Variants in DNAJC3 observed in about 807,000 individuals in gnomAD.
DNAJC3 encodes the protein DnaJ heat shock protein family (Hsp40) member C3, also known as dnaJ homolog subfamily C member 3.
DNAJC3 carries 38 observed loss-of-function variants against 68.6 expected under a neutral mutation model. That is an observed-to-expected ratio of 0.55 (90% CI 0.43 to 0.73). DNAJC3 has a LOEUF of 0.73. DNAJC3 is among the 30% of genes least tolerant of loss of function. DNAJC3 has a pLI of 0.00. For synonymous variants in DNAJC3, 203 were observed against 204.0 expected (o/e 1.00, Z 0.04); for missense variants, 526 against 591.9 (o/e 0.89, Z 1.16).
chr13:95,770,839 TC>T lies in DNAJC3; in HGVS notation c.1075+6889del, dbSNP rs548910558. On this transcript the variant is annotated intron_variant, in intron 9 of 11. Transcript: ENST00000602402. ...TAAGTGTTCTTAGATATAAGATCTT[TC>T]CCTTTGTTGTCTTAAGGATGAATAT... is the stretch of plus-strand genomic sequence containing the variant. 1.9e-4 allele frequency among the ~76,000 whole-genome samples: 29 copies of T among 152,356 alleles called. No individual in the cohort carries two copies. The South Asian group carries it at 5.8e-3, about 30-fold the overall frequency.
intron 11 of DNAJC3, among the ~76,000 whole-genome samples, chr13:95,788,006 TTA>T (rs1883655352): frequency 6.6e-6 from 1 of 152,214 alleles, no homozygotes; most frequent in African/African-American, 2.4e-5. Context: ...GAGGAAAGTT[TTA>T]TGTTTGTCAA....
chr13:95,714,515 AT>A (rs1206182187), intron 2 of DNAJC3, among the ~76,000 whole-genome samples: 1 of 152,118 alleles, frequency 6.6e-6, no homozygotes, highest in Admixed American at 6.5e-5. Context: ...GTTTGCTATA[AT>A]AACAGGGGTT....
chr13:95,748,585 G>T (rs558137652), intron 4 of DNAJC3, among the ~76,000 whole-genome samples: 1 of 152,222 alleles, frequency 6.6e-6, no homozygotes, highest in Non-Finnish European at 1.5e-5. Flanking sequence ...GGAGGTCAAG[G>T]TGGGCAGATC....
intron 9 of DNAJC3, among the ~76,000 whole-genome samples, chr13:95,780,926 T>C (rs1321320177): frequency 6.6e-6 from 1 of 152,220 alleles, no homozygotes; most frequent in Non-Finnish European, 1.5e-5. Flanking sequence ...TGGAACTTGC[T>C]AATGAATTGG....
intron 2 of DNAJC3, among the ~76,000 whole-genome samples, chr13:95,720,425 C>T (rs536326129): frequency 6.6e-6 from 1 of 152,198 alleles, no homozygotes; most frequent in African/African-American, 2.4e-5. Context: ...GAAGAAACCC[C>T]ATCTCTCTGC....
Position 95,763,661 on chromosome 13 carries a change from C to A in DNAJC3, c.867C>A (p.Ser289Arg), listed in dbSNP as rs1185696255. The change falls in exon 8 of 12, where the codon AGC (serine) becomes AGA (arginine). Residue 289 changes from serine (S) to arginine (R), a missense_variant. By Grantham distance (110) the Ser-to-Arg change is moderately radical. Coordinates refer to ENST00000602402, the MANE Select transcript of DNAJC3 (RefSeq NM_006260.5). ...TTCTTAGATACACAGATGCTACCAGCAAATATGAATCTGTCATGAAAACAG... is the reference window on the plus strand; with the variant it reads ...TTCTTAGATACACAGATGCTACCAGAAAATATGAATCTGTCATGAAAACAG... ...IRDGRYTDAT[S>R]KYESVMKTEP... The A allele has an allele frequency of 6.2e-7, 1 of 1,613,720 alleles. No homozygotes were observed. Among genetic ancestry groups the A allele is most frequent in the Non-Finnish European group, 8.5e-7 (1 of 1,179,762 alleles).
intron 5 of DNAJC3, among the ~76,000 whole-genome samples, chr13:95,758,308 G>T (rs1455606003): frequency 2.6e-5 from 4 of 151,910 alleles, no homozygotes; most frequent in Admixed American, 6.6e-5. Context: ...CTGTACCCCA[G>T]CCTGGGCGAC....
At chr13:95,758,316 G>A (rs565922856) in intron 5 of DNAJC3, among the ~76,000 whole-genome samples, 12 of 151,946 alleles carry the variant, frequency 7.9e-5, no homozygotes, top group African/African-American at 2.2e-4. Flanking sequence ...CAGCCTGGGC[G>A]ACAGAATGGG....
At chr13:95,789,915 G>A (rs935656383) in intron 11 of DNAJC3, among the ~76,000 whole-genome samples, 8 of 151,894 alleles carry the variant, frequency 5.3e-5, no homozygotes, top group Admixed American at 2.6e-4. Flanking sequence ...ATTGTTGGCC[G>A]CATATATGTC....
intron 4 of DNAJC3, among the ~76,000 whole-genome samples, chr13:95,729,754 T>A (rs1247197554): frequency 2.0e-5 from 3 of 152,136 alleles, no homozygotes; most frequent in Non-Finnish European, 4.4e-5. Flanking sequence ...CCCTGATTAT[T>A]AGTGATGTTG....
intron 1 of DNAJC3, chr13:95,694,691 A>G (rs1378271751): frequency 5.2e-5 from 8 of 152,630 alleles, no homozygotes; most frequent in Non-Finnish European, 1.0e-4. Flanking sequence ...GTGCCTGCTT[A>G]ATTCTCCAGA....
Position 95,743,576 on chromosome 13 carries a change from G to A in DNAJC3, c.394-14068G>A, listed in dbSNP as rs191172898. ...CCTCCTGCTTATTGATTGATTGATT[G>A]AGACAGAGTCTTGCCCTCTCACCTA... is the stretch of plus-strand genomic sequence containing the variant. On this transcript the variant is annotated intron_variant, in intron 4 of 11. Coordinates refer to ENST00000602402, the MANE Select transcript of DNAJC3 (RefSeq NM_006260.5). Among the ~76,000 whole-genome samples the A allele has an allele frequency of 2.8e-3, 430 of 152,154 alleles. 1 individual carries two copies. Among genetic ancestry groups the A allele is most frequent in the Non-Finnish European group, 3.7e-3 (252 of 67,996 alleles).
intron 2 of DNAJC3, among the ~76,000 whole-genome samples, chr13:95,710,861 AT>A (rs919289487): frequency 4.7e-5 from 7 of 150,038 alleles, no homozygotes; most frequent in African/African-American, 7.3e-5. Context: ...TAATTTTTGT[AT>A]TTTTTTTTAA....
At chr13:95,788,754 A>G (rs1201924818) in intron 11 of DNAJC3, among the ~76,000 whole-genome samples, 1 of 152,150 alleles carries the variant, frequency 6.6e-6, no homozygotes, top group Non-Finnish European at 1.5e-5. Context: ...CTCTGGGGCC[A>G]TTATCACCCC....
intron 1 of DNAJC3, among the ~76,000 whole-genome samples, chr13:95,706,345 T>G (rs1215923273): frequency 6.6e-6 from 1 of 152,236 alleles, no homozygotes; most frequent in African/African-American, 2.4e-5. Flanking sequence ...TGACCTCTGC[T>G]TTATAAGTAT....
In DNAJC3 at chr13:95,794,074, A is replaced by G. The variant is rs117429137; in HGVS notation, c.*3044A>G. ...AGTTTACTAATGTGAATCAGATGTA[A>G]CGTACTACTAATTCTACAATGCCTT... On this transcript the variant is annotated 3_prime_UTR_variant, in exon 12 of 12. Coordinates refer to ENST00000602402, the MANE Select transcript of DNAJC3 (RefSeq NM_006260.5). 6.6e-6 allele frequency: 1 copy of G among 152,342 alleles called. No individual in the cohort carries two copies. Among genetic ancestry groups the G allele is most frequent in the East Asian group, 1.9e-4 (1 of 5,188 alleles). 9.4% of individuals were successfully genotyped at this position (152,342 alleles called of 1,614,324 possible). A position where few individuals can be genotyped will look rare whatever the true frequency, so the allele number is the denominator to read the frequency against.
At chr13:95,686,102 C>T (rs1880068280) in intron 1 of DNAJC3, among the ~76,000 whole-genome samples, 1 of 152,172 alleles carries the variant, frequency 6.6e-6, no homozygotes, top group South Asian at 2.1e-4. Flanking sequence ...GCTGGGACTA[C>T]AGGTGCCTGC....
intron 4 of DNAJC3, among the ~76,000 whole-genome samples, chr13:95,749,519 C>T (rs1882408701): frequency 6.6e-6 from 1 of 152,132 alleles, no homozygotes; most frequent in African/African-American, 2.4e-5. Flanking sequence ...TTTTAGGATT[C>T]ATGGCTTAAA....
intron 9 of DNAJC3, among the ~76,000 whole-genome samples, chr13:95,773,805 T>C (rs1594022127): frequency 1.4e-5 from 2 of 146,758 alleles, no homozygotes; most frequent in Admixed American, 6.8e-5. Context: ...GGAGCGATCT[T>C]AGCTCACTGC....
Sources: gnomAD v4.1 joint callset for allele counts (sites outside exome capture counted in the v4.1 genomes callset) on GRCh38, gnomAD v4.1.1 for gene constraint, MANE v1.5 for transcripts, NCBI Gene and HGNC (gene_info 2026-07-23, HGNC 2026-07-21) for gene names.